The following SUN1 variants were observed in gnomAD, a reference collection of about 807,000 sequenced individuals.
SUN1 encodes SUN domain-containing protein 1.
Under a neutral mutation model 103.2 loss-of-function variants are expected in SUN1, and 61 were observed. That is an observed-to-expected ratio of 0.59 (90% CI 0.48 to 0.73). SUN1 has a LOEUF of 0.73. Ranked by LOEUF, SUN1 falls within the 30% of genes least tolerant of loss-of-function variation. SUN1 has a pLI of 0.00. For synonymous variants in SUN1, 490 were observed against 425.7 expected, an observed-to-expected ratio of 1.15 and a Z score of -1.86; for missense variants, 1,052 against 1,034.6, an observed-to-expected ratio of 1.02 and a Z score of -0.23.
At position 871,288 on chromosome 7, in the gene SUN1, CT is replaced by C. The variant is rs758970043; in HGVS notation, c.2149-1177del. Among the ~76,000 whole-genome samples the C allele has an allele frequency of 3.4e-3, 521 of 152,206 alleles. 3 individuals carry two copies. Among genetic ancestry groups the C allele is most frequent in the Non-Finnish European group, 6.0e-3 (406 of 68,028 alleles). On this transcript the variant is annotated intron_variant, in intron 17 of 18. Coordinates refer to ENST00000401592, the MANE Select transcript of SUN1 (RefSeq NM_001130965.3). ...CTTAGTTTCCTTATGAATATTTGAG[CT>C]TTTTAGTATGTAAATAATAATCATG...
At chr7:852,527 A>G in intron 7 of SUN1, 82 bp from the exon 8 acceptor site, 1 of 1,580,358 alleles carries the variant, frequency 6.3e-7, no homozygotes, top group East Asian at 2.2e-5. Context: ...ATTTTGCACA[A>G]AATTATCTAG....
chr7:872,458 T>G lies in SUN1; in HGVS notation c.2149-12T>G. On this transcript the variant is annotated splice_polypyrimidine_tract_variant and intron_variant, in intron 17 of 18. Coordinates refer to ENST00000401592, the MANE Select transcript of SUN1 (RefSeq NM_001130965.3). The stretch of plus-strand genomic sequence containing the variant: ...TCCATTCGTTCATAATTGTGTATGG[T>G]CTTGTTTTCAGGGATTAGAAAATGA... 6.3e-7 allele frequency: 1 copy of G among 1,588,250 alleles called. No homozygotes were observed. Among genetic ancestry groups the G allele is most frequent in the Non-Finnish European group, 8.6e-7 (1 of 1,166,056 alleles).
intron 5 of SUN1, chr7:850,135 T>A: frequency 9.2e-7 from 1 of 1,085,994 alleles, no homozygotes; most frequent in Non-Finnish European, 1.3e-6. Flanking sequence ...AGTCTTGCTG[T>A]AAAAACTGAC....
intron 5 of SUN1, among the ~76,000 whole-genome samples, chr7:847,238 G>A (rs1032381555): frequency 7.2e-5 from 11 of 151,870 alleles, no homozygotes; most frequent in African/African-American, 2.2e-4. Flanking sequence ...GGGTTACCCC[G>A]CAGTCCAGTC....
chr7:859,865 G>A (rs1000841819), intron 13 of SUN1, among the ~76,000 whole-genome samples: 1 of 152,208 alleles, frequency 6.6e-6, no homozygotes, highest in African/African-American at 2.4e-5. Context: ...TCCAGAGGGT[G>A]TGGACATGCC....
chr7:840,945 T>G (rs976320552), intron 2 of SUN1, among the ~76,000 whole-genome samples: 1 of 151,274 alleles, frequency 6.6e-6, no homozygotes, highest in African/African-American at 2.4e-5. Flanking sequence ...CTGGCCCTTA[T>G]ATTTTGAGAC....
rs1056797326 is a variant in SUN1, at chr7:866,172, G to A, written c.1980+105G>A. ...CCATGGAACTTCGTAAGATGAACAC[G>A]TCTGTGGAACTGGTACCACAAGAAG... On this transcript the variant is annotated intron_variant, in intron 16 of 18. Coordinates refer to ENST00000401592, the MANE Select transcript of SUN1 (RefSeq NM_001130965.3). The A allele has an allele frequency of 6.6e-5, 63 of 957,720 alleles. No homozygotes were observed. In the South Asian group the frequency reaches 7.1e-4, roughly 11 times the overall value. The allele number at this position is 957,720 out of a possible 1,614,324, so 59.3% of individuals were successfully genotyped here.
intron 1 of SUN1, among the ~76,000 whole-genome samples, chr7:825,154 G>A (rs916071933): frequency 2.0e-5 from 3 of 152,022 alleles, no homozygotes; most frequent in Non-Finnish European, 2.9e-5. Flanking sequence ...CACCTCCCGG[G>A]TTCACGCCAT....
At chr7:872,072 C>A (rs1842109545) in intron 17 of SUN1, among the ~76,000 whole-genome samples, 1 of 152,226 alleles carries the variant, frequency 6.6e-6, no homozygotes, top group Admixed American at 6.5e-5. Flanking sequence ...TGTGGCCCCT[C>A]CTCCTGCTGG....
intron 15 of SUN1, among the ~76,000 whole-genome samples, chr7:862,113 T>C (rs963978672): frequency 1.3e-5 from 2 of 152,240 alleles, no homozygotes; most frequent in Non-Finnish European, 2.9e-5. Context: ...CTAGACCTGC[T>C]TCACGTCCGC....
chr7:853,685 CTT>C, intron 10 of SUN1, 67 bp downstream of exon 10: 1 of 1,534,220 alleles, frequency 6.5e-7, no homozygotes, highest in Non-Finnish European at 8.8e-7. Context: ...ATGTTCTCTC[CTT>C]TTGGGAGACA....
chr7:843,165 C>G (rs563397142), intron 3 of SUN1, 41 bp from the exon 4 acceptor site: 2 of 1,595,506 alleles, frequency 1.3e-6, no homozygotes, highest in Non-Finnish European at 1.7e-6. Flanking sequence ...AAGCTGAGCT[C>G]AACAGCAAAA....
Position 851,368 on chromosome 7 carries a change from C to A in SUN1, c.659-16C>A. ...CCTGGCGTCTGTCTGAGGCCACACA[C>A]GTCTTCCCTGCACAGGTTACTTCTT... On this transcript the variant is annotated splice_polypyrimidine_tract_variant and intron_variant, in intron 5 of 18. Coordinates refer to ENST00000401592, the MANE Select transcript of SUN1 (RefSeq NM_001130965.3). 1 of 1,573,238 alleles carries A rather than the reference C, an allele frequency of 6.4e-7. No homozygotes were observed. The highest frequency in any genetic ancestry group is 1.9e-5 in the Admixed American group (1 of 54,052).
intron 15 of SUN1, among the ~76,000 whole-genome samples, chr7:864,554 CAAA>C (rs551547626): frequency 6.3e-5 from 6 of 95,186 alleles, no homozygotes; most frequent in Admixed American, 1.2e-4. Context: ...AACTTTATCT[CAAA>C]AAAAAAAAAA....
chr7:853,859 A>G (rs897968485), intron 10 of SUN1, among the ~76,000 whole-genome samples: 2 of 152,178 alleles, frequency 1.3e-5, no homozygotes, highest in African/African-American at 4.8e-5. Flanking sequence ...GAGACTTGTG[A>G]TAACCCCAAG....
intron 10 of SUN1, among the ~76,000 whole-genome samples, chr7:853,828 G>A (rs553786797): frequency 2.0e-5 from 3 of 152,340 alleles, no homozygotes; most frequent in East Asian, 1.9e-4. Flanking sequence ...GTTCCATAGC[G>A]CACATGGAAG....
upstream of SUN1, chr7:816,490 G>C (rs1299906082): frequency 1.6e-5 from 3 of 183,110 alleles, no homozygotes; most frequent in Non-Finnish European, 3.2e-5. Flanking sequence ...TCGCCCCTCC[G>C]CCCGCGGCCC....
upstream of SUN1, chr7:816,269 C>T (rs1780434363): frequency 4.9e-6 from 1 of 202,190 alleles, no homozygotes; most frequent in African/African-American, 2.9e-5. Flanking sequence ...GGGCCCCTCC[C>T]CCAGATGCAA....
At chr7:827,991 G>A (rs534617469), upstream of SUN1, among the ~76,000 whole-genome samples, 20 of 150,972 alleles carry the variant, frequency 1.3e-4, no homozygotes, top group Non-Finnish European at 2.5e-4. Context: ...CGCAACCTGC[G>A]CCTCCTGGTT....
Sources: allele counts gnomAD v4.1 joint callset (sites outside exome capture counted in the v4.1 genomes callset), GRCh38; gene constraint gnomAD v4.1.1; transcripts MANE v1.5; gene names NCBI Gene and HGNC (gene_info 2026-07-23, HGNC 2026-07-21).